ADAMTS18: variants seen among roughly 807,000 people sequenced by gnomAD.
ADAMTS18 encodes the protein A disintegrin and metalloproteinase with thrombospondin motifs 18.
A neutral mutation model predicts 165.9 loss-of-function variants in ADAMTS18; 157 were observed. The observed-to-expected ratio is 0.95, with a 90% CI of 0.83 to 1.08. The LOEUF (loss-of-function observed/expected upper bound fraction) is 1.08, where lower values mean the gene tolerates loss of function less well. Among genes scored for constraint, ADAMTS18 ranks in the 50% least tolerant of loss-of-function variants. The pLI is 0.00. For missense variants in ADAMTS18, 2,040 were observed against 1,534.0 expected (o/e 1.33, Z -5.51); for synonymous variants, 782 against 578.2 (o/e 1.35, Z -5.06).
At chr16:77,323,988 C>G (rs1355123864) in intron 13 of ADAMTS18, among the ~76,000 whole-genome samples, 1 of 152,212 alleles carries the variant, frequency 6.6e-6, no homozygotes, top group Non-Finnish European at 1.5e-5. Context: ...AACTTTGACA[C>G]CAGCAAGCAT....
intron 3 of ADAMTS18, among the ~76,000 whole-genome samples, chr16:77,401,288 G>A (rs2057328752): frequency 6.6e-6 from 1 of 151,938 alleles, no homozygotes; most frequent in African/African-American, 2.4e-5. Context: ...ACAAAAGAAA[G>A]AAAGAAACCA....
intron 21 of ADAMTS18, among the ~76,000 whole-genome samples, chr16:77,290,078 A>G (rs1283181154): frequency 6.6e-6 from 1 of 152,204 alleles, no homozygotes; most frequent in Non-Finnish European, 1.5e-5. Context: ...AAGTTACTAC[A>G]TTAATTTTTC....
rs991189125 is a variant in ADAMTS18 at position 77,283,726 on chromosome 16, C to T, written c.*230G>A. On this transcript the variant is annotated 3_prime_UTR_variant, in exon 23 of 23. Transcript: ENST00000282849. ...GCAAATCAAAGATTTTTTTTAAAGT[C>T]AGATTTGTCATCGCTTCCCATTTTC... 1.9e-5 allele frequency: 10 copies of T among 526,564 alleles called. No homozygotes were observed. The highest frequency in any genetic ancestry group is 3.1e-5 in the Non-Finnish European group (9 of 292,126). 32.6% of individuals were successfully genotyped at this position (526,564 alleles called of 1,614,324 possible).
At chr16:77,386,519 CAGCTAGAG>C (rs1338261455) in intron 3 of ADAMTS18, among the ~76,000 whole-genome samples, 5 of 152,278 alleles carry the variant, frequency 3.3e-5, no homozygotes, top group East Asian at 1.9e-4. Context: ...TGCTGGGCAG[CAGCTAGAG>C]AGTGGCCGCC....
intron 4 of ADAMTS18, among the ~76,000 whole-genome samples, chr16:77,365,009 G>A (rs8058260): frequency 0.013 from 1,992 of 152,206 alleles, 43 homozygotes; most frequent in African/African-American, 0.046. Flanking sequence ...GGGAGGCTGA[G>A]GCAGGCGGAT....
chr16:77,379,062 C>T (rs1013550824), intron 3 of ADAMTS18: 17 of 152,188 alleles, frequency 1.1e-4, no homozygotes, highest in Non-Finnish European at 1.5e-5. Context: ...AATTTTTCTA[C>T]CTTGGACAGA....
At chr16:77,335,102 TA>T (rs2056286930) in intron 12 of ADAMTS18, among the ~76,000 whole-genome samples, 1 of 148,882 alleles carries the variant, frequency 6.7e-6, no homozygotes. Flanking sequence ...CCTATTATGA[TA>T]GTATTAATCC....
intron 22 of ADAMTS18, among the ~76,000 whole-genome samples, chr16:77,287,556 C>A (rs933246617): frequency 2.6e-5 from 4 of 152,124 alleles, no homozygotes; most frequent in African/African-American, 9.7e-5. Context: ...CGGGTCACTG[C>A]AACCTTCACC....
At chr16:77,310,609 T>C (rs572835612) in intron 16 of ADAMTS18, among the ~76,000 whole-genome samples, 13 of 151,694 alleles carry the variant, frequency 8.6e-5, no homozygotes, top group Non-Finnish European at 1.8e-4. Flanking sequence ...AAAGTTTTGG[T>C]GAAAAGATTT....
chr16:77,398,882 C>A (rs1025408817), intron 3 of ADAMTS18, among the ~76,000 whole-genome samples: 2 of 152,108 alleles, frequency 1.3e-5, no homozygotes, highest in Non-Finnish European at 2.9e-5. Context: ...TGAAAATATG[C>A]ACCTAGATGT....
At chr16:77,337,338 C>G (rs924310324) in intron 11 of ADAMTS18, among the ~76,000 whole-genome samples, 1 of 152,210 alleles carries the variant, frequency 6.6e-6, no homozygotes, top group Non-Finnish European at 1.5e-5. Flanking sequence ...ACAGCAGCAG[C>G]AGCCACAGGT....
chr16:77,323,922 A>G (rs1043333337), intron 13 of ADAMTS18, among the ~76,000 whole-genome samples: 5 of 152,252 alleles, frequency 3.3e-5, no homozygotes, highest in South Asian at 2.1e-4. Flanking sequence ...TGTTGCATGC[A>G]TGAATGAAAT....
chr16:77,405,490 C>T (rs1276607910), intron 3 of ADAMTS18, among the ~76,000 whole-genome samples: 2 of 152,162 alleles, frequency 1.3e-5, no homozygotes, highest in African/African-American at 2.4e-5. Context: ...TGATCCCTTC[C>T]TGTGTGTTCT....
At chr16:77,407,829 C>T (rs1279370940) in intron 3 of ADAMTS18, among the ~76,000 whole-genome samples, 1 of 151,898 alleles carries the variant, frequency 6.6e-6, no homozygotes, top group Non-Finnish European at 1.5e-5. Flanking sequence ...ATAAATATAA[C>T]TTATAGAATT....
At chr16:77,359,468 A>G in intron 7 of ADAMTS18, 45 bp from the exon 8 acceptor site, 1 of 1,491,036 alleles carries the variant, frequency 6.7e-7, no homozygotes, top group Non-Finnish European at 9.3e-7. Context: ...GGTTGCACAC[A>G]CAGATACATG....
chr16:77,286,853 C>T (rs1012146558), intron 22 of ADAMTS18, among the ~76,000 whole-genome samples: 1 of 152,168 alleles, frequency 6.6e-6, no homozygotes, highest in South Asian at 2.1e-4. Context: ...AGGGCCTTCT[C>T]TCTTTTCTGA....
Position 77,367,468 on chromosome 16 carries a change from G to T in ADAMTS18, c.751C>A (p.Gln251Lys). The change falls in exon 4 of 23, where the codon CAG (glutamine) becomes AAG (lysine). Residue 251 changes from glutamine to lysine, a missense_variant. Gln to Lys is a moderately conservative substitution (Grantham distance 53). Transcript: ENST00000282849. ...TTCTTGCGTCGTCCACAAAAATGCTGCTTTTGCAACCTTCGATGGTGATAC... is the reference window on the plus strand; with the variant it reads ...TTCTTGCGTCGTCCACAAAAATGCTTCTTTTGCAACCTTCGATGGTGATAC... ...TEYHHRRLQKQHFCGRRKKYA... is the reference protein window; with the variant it reads ...TEYHHRRLQKKHFCGRRKKYA... 1 of 1,614,194 alleles carries T rather than the reference G, an allele frequency of 6.2e-7. No individual in the cohort carries two copies. Among genetic ancestry groups the T allele is most frequent in the Non-Finnish European group, 8.5e-7 (1 of 1,180,034 alleles).
At chr16:77,340,449 A>T (rs1444147862) in intron 11 of ADAMTS18, among the ~76,000 whole-genome samples, 1 of 152,190 alleles carries the variant, frequency 6.6e-6, no homozygotes, top group East Asian at 1.9e-4. Flanking sequence ...TGATGGGATT[A>T]CAGGCATGAG....
At chr16:77,412,011 T>A (rs780468969) in intron 3 of ADAMTS18, among the ~76,000 whole-genome samples, 1 of 151,788 alleles carries the variant, frequency 6.6e-6, no homozygotes. Flanking sequence ...TTAAGCATCA[T>A]TCTGGGTGTG....
Sources: gnomAD v4.1 joint callset for allele counts (sites outside exome capture counted in the v4.1 genomes callset) on GRCh38, gnomAD v4.1.1 for gene constraint, MANE v1.5 for transcripts, NCBI Gene and HGNC (gene_info 2026-07-23, HGNC 2026-07-21) for gene names.